Variants in NTNG1 observed in about 807,000 individuals in gnomAD.
NTNG1 encodes netrin-G1.
In NTNG1, 16 loss-of-function variants were observed where a neutral mutation model predicts 54.0. The observed-to-expected ratio is 0.30, with a 90% CI of 0.20 to 0.45. The LOEUF (loss-of-function observed/expected upper bound fraction) is 0.45. Ranked by LOEUF, NTNG1 falls within the 20% of genes least tolerant of loss-of-function variation. The pLI is 1.00. For missense variants in NTNG1, 530 were observed against 678.7 expected (o/e 0.78, Z 2.43); for synonymous variants, 255 against 263.1 (o/e 0.97, Z 0.30).
At chr1:107,408,072 A>T in intron 5 of NTNG1, 1 of 338,588 alleles carries the variant, frequency 3.0e-6, no homozygotes, top group Non-Finnish European at 5.7e-6. Context: ...CTTAGACTGG[A>T]TTTGGATGTC....
intron 1 of NTNG1, among the ~76,000 whole-genome samples, chr1:107,141,701 C>T (rs1653732163): frequency 6.6e-6 from 1 of 152,046 alleles, no homozygotes; most frequent in African/African-American, 2.4e-5. Flanking sequence ...CGGGGGTGCG[C>T]CCCGGGCCGG....
intron 3 of NTNG1, among the ~76,000 whole-genome samples, chr1:107,344,375 G>A (rs1268321949): frequency 2.0e-5 from 3 of 152,036 alleles, no homozygotes; most frequent in Non-Finnish European, 4.4e-5. Context: ...TTTATTTTAG[G>A]AGAGGACAGG....
chr1:107,459,251 T>A (rs1340993331), intron 7 of NTNG1, among the ~76,000 whole-genome samples: 1 of 152,232 alleles, frequency 6.6e-6, no homozygotes, highest in Non-Finnish European at 1.5e-5. Flanking sequence ...ATTTGAGTCC[T>A]AAACCTAGGA....
chr1:107,343,674 G>A (rs1669054009), intron 3 of NTNG1, among the ~76,000 whole-genome samples: 1 of 152,044 alleles, frequency 6.6e-6, no homozygotes, highest in African/African-American at 2.4e-5. Flanking sequence ...CTGCTTCTGA[G>A]GGCCACCAAA....
intron 2 of NTNG1, among the ~76,000 whole-genome samples, chr1:107,232,366 C>T (rs148845248): frequency 1.3e-5 from 2 of 152,290 alleles, no homozygotes; most frequent in East Asian, 3.9e-4. Flanking sequence ...TATACCTTTC[C>T]CTTCTTCCAT....
chr1:107,465,993 T>C (rs1445165779), intron 7 of NTNG1, among the ~76,000 whole-genome samples: 1 of 152,190 alleles, frequency 6.6e-6, no homozygotes, highest in Non-Finnish European at 1.5e-5. Context: ...ACAGTAAGTA[T>C]ATGATCCAGG....
chr1:107,422,833 GC>G (rs1177286841), intron 5 of NTNG1, among the ~76,000 whole-genome samples: 5 of 151,968 alleles, frequency 3.3e-5, no homozygotes, highest in Non-Finnish European at 4.4e-5. Flanking sequence ...TTCTAATTGT[GC>G]CACATTCATT....
At chr1:107,342,033 A>G (rs1380250520) in intron 3 of NTNG1, among the ~76,000 whole-genome samples, 2 of 152,128 alleles carry the variant, frequency 1.3e-5, no homozygotes, top group Non-Finnish European at 2.9e-5. Context: ...CAAATTATGT[A>G]TTAATAAATG....
intron 7 of NTNG1, among the ~76,000 whole-genome samples, chr1:107,475,491 CA>C (rs1678255837): frequency 6.6e-6 from 1 of 152,126 alleles, no homozygotes; most frequent in Admixed American, 6.5e-5. Context: ...TCATTGTGAA[CA>C]GTACTAAAGG....
chr1:107,251,580 T>G (rs994069075), intron 2 of NTNG1, among the ~76,000 whole-genome samples: 1 of 152,138 alleles, frequency 6.6e-6, no homozygotes, highest in Admixed American at 6.5e-5. Context: ...CTCTTTCTAT[T>G]CCCTGGCCAT....
At position 107,436,031 on chromosome 1, in the gene NTNG1, CTA is replaced by C. The variant is rs201067185; in HGVS notation, c.1256-632_1256-631del. 1.6e-3 allele frequency among the ~76,000 whole-genome samples: 239 copies of C among 152,268 alleles called. 2 individuals are homozygous for C. In the East Asian group the frequency reaches 0.041, roughly 26 times the overall value. On this transcript the variant is annotated intron_variant, in intron 6 of 7. Coordinates refer to ENST00000370068, the MANE Select transcript of NTNG1 (RefSeq NM_001113226.3). ...GAAAAATATACATCTTAAATTATAACTATGTTGAAAATTATTTGGGGTTACAA... is the reference window on the plus strand; with the variant it reads ...GAAAAATATACATCTTAAATTATAACTGTTGAAAATTATTTGGGGTTACAA...
chr1:107,274,539 A>T (rs1049546541), intron 2 of NTNG1, among the ~76,000 whole-genome samples: 2 of 152,222 alleles, frequency 1.3e-5, no homozygotes, highest in African/African-American at 4.8e-5. Context: ...CACAAGCCTT[A>T]AATAACTTGC....
At chr1:107,421,615 A>C (rs776370985) in intron 5 of NTNG1, among the ~76,000 whole-genome samples, 1 of 152,122 alleles carries the variant, frequency 6.6e-6, no homozygotes, top group African/African-American at 2.4e-5. Context: ...TTTGAAAAAC[A>C]CAAGTGAAGA....
intron 2 of NTNG1, among the ~76,000 whole-genome samples, chr1:107,276,295 A>G (rs1310434650): frequency 6.6e-6 from 1 of 152,178 alleles, no homozygotes; most frequent in Non-Finnish European, 1.5e-5. Flanking sequence ...GTCAATCATT[A>G]TCTCTTCATA....
intron 2 of NTNG1, among the ~76,000 whole-genome samples, chr1:107,242,417 C>T (rs907572497): frequency 2.6e-5 from 4 of 152,064 alleles, no homozygotes; most frequent in Non-Finnish European, 5.9e-5. Flanking sequence ...ATCCAAACAC[C>T]GTCTAACTCA....
chr1:107,444,412 C>T (rs1676182334), intron 7 of NTNG1, among the ~76,000 whole-genome samples: 1 of 152,108 alleles, frequency 6.6e-6, no homozygotes, highest in Admixed American at 6.6e-5. Context: ...TCTGAATGTA[C>T]TCCACAGTAG....
intron 3 of NTNG1, among the ~76,000 whole-genome samples, chr1:107,386,145 G>GTGTATATATATATA (rs1671966937): frequency 2.1e-5 from 1 of 46,538 alleles, no homozygotes; most frequent in Non-Finnish European, 6.4e-5. Context: ...ATATATATAT[G>GTGTATATATATATA]TGTGTATATA....
chr1:107,203,856 A>C (rs1411999119), intron 2 of NTNG1, among the ~76,000 whole-genome samples: 1 of 151,408 alleles, frequency 6.6e-6, no homozygotes, highest in East Asian at 1.9e-4. Flanking sequence ...ATCTTTTTGC[A>C]TTGCATTTTA....
intron 6 of NTNG1, among the ~76,000 whole-genome samples, chr1:107,435,126 C>T (rs531814790): frequency 2.0e-5 from 3 of 152,092 alleles, no homozygotes; most frequent in South Asian, 4.1e-4. Flanking sequence ...ACTCTGCTTA[C>T]TGGCTTACAA....
Sources: allele counts gnomAD v4.1 joint callset (sites outside exome capture counted in the v4.1 genomes callset), GRCh38; gene constraint gnomAD v4.1.1; transcripts MANE v1.5; gene names NCBI Gene and HGNC (gene_info 2026-07-23, HGNC 2026-07-21).